The following ARHGEF3 variants were observed in gnomAD, a reference collection of about 807,000 sequenced individuals.
ARHGEF3 encodes Rho guanine nucleotide exchange factor 3.
Under a neutral mutation model 63.2 loss-of-function variants are expected in ARHGEF3, and 28 were observed. That is an observed-to-expected ratio of 0.44 (90% CI 0.33 to 0.61). The LOEUF is 0.61. Ranked by LOEUF, ARHGEF3 falls within the 20% of genes least tolerant of loss-of-function variation. The pLI, the probability that ARHGEF3 is intolerant of heterozygous loss-of-function variation, is 0.03. For missense variants in ARHGEF3, 533 were observed against 659.3 expected, an observed-to-expected ratio of 0.81 and a Z score of 2.10; for synonymous variants, 266 against 254.2, an observed-to-expected ratio of 1.05 and a Z score of -0.44.
At chr3:56,795,100 A>G (rs1360990999) in intron 1 of ARHGEF3, among the ~76,000 whole-genome samples, 1 of 151,950 alleles carries the variant, frequency 6.6e-6, no homozygotes, top group Admixed American at 6.6e-5. Flanking sequence ...CTTGGGCTCA[A>G]GCAATCCTGC....
intron 1 of ARHGEF3, among the ~76,000 whole-genome samples, chr3:56,785,619 G>C (rs761349103): frequency 6.6e-6 from 1 of 152,158 alleles, no homozygotes; most frequent in South Asian, 2.1e-4. Context: ...TCCATCTGTC[G>C]TTCTTTGAAG....
chr3:56,840,430 G>C (rs2039272423), intron 4 of ARHGEF3, among the ~76,000 whole-genome samples: 1 of 152,188 alleles, frequency 6.6e-6, no homozygotes, highest in Admixed American at 6.5e-5. Flanking sequence ...CAGGTAAGAA[G>C]GTTGAGGCTC....
intron 6 of ARHGEF3, among the ~76,000 whole-genome samples, chr3:56,749,299 C>CT (rs1371921893): frequency 1.3e-5 from 2 of 152,210 alleles, no homozygotes; most frequent in Non-Finnish European, 2.9e-5. Context: ...TGCAAAGCTG[C>CT]TCCCAGATCA....
chr3:56,801,413 G>A (rs1359083869), intron 1 of ARHGEF3, among the ~76,000 whole-genome samples: 1 of 152,246 alleles, frequency 6.6e-6, no homozygotes, highest in Non-Finnish European at 1.5e-5. Context: ...CCCTGCAAAG[G>A]CAAGGAGGCA....
At chr3:56,952,052 G>A (rs1438653838) in intron 3 of ARHGEF3, among the ~76,000 whole-genome samples, 1 of 151,960 alleles carries the variant, frequency 6.6e-6, no homozygotes, top group African/African-American at 2.4e-5. Context: ...GGTGCAATCA[G>A]AACCTAGTAA....
intron 1 of ARHGEF3, among the ~76,000 whole-genome samples, chr3:56,789,984 A>G (rs1273474949): frequency 2.0e-5 from 3 of 152,220 alleles, no homozygotes; most frequent in Non-Finnish European, 4.4e-5. Flanking sequence ...ATTTGTCTTT[A>G]TAAGATTTGA....
chr3:56,968,223 AAT>A (rs574561116), intron 2 of ARHGEF3, among the ~76,000 whole-genome samples: 12,787 of 35,512 alleles, frequency 0.36, 2,940 homozygotes, highest in Middle Eastern at 0.52. Context: ...TATTATATAT[AAT>A]ATATATATAA....
At chr3:56,870,571 C>A (rs1439816800) in intron 4 of ARHGEF3, among the ~76,000 whole-genome samples, 1 of 152,004 alleles carries the variant, frequency 6.6e-6, no homozygotes, top group Non-Finnish European at 1.5e-5. Flanking sequence ...TTGTACAAAC[C>A]CATGGAATGT....
At chr3:56,891,897 C>T (rs6807296) in intron 3 of ARHGEF3, among the ~76,000 whole-genome samples, 91,561 of 152,016 alleles carry the variant, frequency 0.6, 28,244 homozygotes, top group African/African-American at 0.67. Context: ...ATTAATTTGA[C>T]GTTGGCAAAC....
At chr3:56,909,571 G>T (rs538981589) in intron 3 of ARHGEF3, among the ~76,000 whole-genome samples, 7 of 152,334 alleles carry the variant, frequency 4.6e-5, no homozygotes, top group Non-Finnish European at 7.3e-5. Flanking sequence ...GCCCAAGAGG[G>T]CTGGGAAGAT....
chr3:56,790,195 ATGT>A (rs1389750499), intron 1 of ARHGEF3, among the ~76,000 whole-genome samples: 4 of 152,314 alleles, frequency 2.6e-5, no homozygotes, highest in Non-Finnish European at 1.5e-5. Context: ...CTGTTCCTCG[ATGT>A]TGGTGCCAGA....
intron 3 of ARHGEF3, among the ~76,000 whole-genome samples, chr3:56,925,350 G>A (rs2042248695): frequency 6.6e-6 from 1 of 152,184 alleles, no homozygotes; most frequent in Admixed American, 6.5e-5. Context: ...AGCTACCCTA[G>A]ACACTGTAAT....
Position 57,058,639 on chromosome 3 carries a change from C to T in ARHGEF3, c.-28+20587G>A, listed in dbSNP as rs143644500. On this transcript the variant is annotated intron_variant, in intron 1 of 12. Coordinates refer to the ARHGEF3 transcript ENST00000338458. ...ACCATTTGACCCAGCCATCCCACTACTGGGTATATACCCAAAGGATTATAA... is the reference window on the plus strand; with the variant it reads ...ACCATTTGACCCAGCCATCCCACTATTGGGTATATACCCAAAGGATTATAA... 4.3e-4 allele frequency among the ~76,000 whole-genome samples: 66 copies of T among 152,278 alleles called. 1 individual carries two copies. Among genetic ancestry groups the T allele is most frequent in the Non-Finnish European group, 5.9e-4 (40 of 68,032 alleles).
intron 2 of ARHGEF3, among the ~76,000 whole-genome samples, chr3:56,966,580 G>A (rs143585698): frequency 6.6e-6 from 1 of 152,172 alleles, no homozygotes; most frequent in African/African-American, 2.4e-5. Context: ...CAGAGTCAGG[G>A]ATTTGGCCAT....
chr3:57,005,081 C>G (rs1305717019), intron 2 of ARHGEF3, among the ~76,000 whole-genome samples: 1 of 151,928 alleles, frequency 6.6e-6, no homozygotes, highest in Non-Finnish European at 1.5e-5. Flanking sequence ...GGATCTCAGC[C>G]CTTGCTAAAA....
chr3:56,986,778 G>A (rs1701557660), intron 2 of ARHGEF3, among the ~76,000 whole-genome samples: 2 of 150,440 alleles, frequency 1.3e-5, no homozygotes. Context: ...AGAAGTGGGG[G>A]CAGAAAAGAG....
At chr3:56,904,095 T>C (rs565998640) in intron 3 of ARHGEF3, among the ~76,000 whole-genome samples, 1 of 152,242 alleles carries the variant, frequency 6.6e-6, no homozygotes, top group South Asian at 2.1e-4. Flanking sequence ...AGTGTTGCAA[T>C]CTCAGCTCAC....
intron 2 of ARHGEF3, among the ~76,000 whole-genome samples, chr3:56,992,230 G>C (rs74994912): frequency 1.3e-4 from 20 of 151,706 alleles, no homozygotes; most frequent in Non-Finnish European, 1.2e-4. Context: ...ATTTTGCCCA[G>C]GCTAAGTATA....
At chr3:56,765,304 A>C (rs2035643207) in intron 2 of ARHGEF3, among the ~76,000 whole-genome samples, 1 of 152,102 alleles carries the variant, frequency 6.6e-6, no homozygotes, top group Non-Finnish European at 1.5e-5. Flanking sequence ...AGCGGAAAAG[A>C]GGGATAAGGA....
Sources: gnomAD v4.1 joint callset for allele counts (sites outside exome capture counted in the v4.1 genomes callset) on GRCh38, gnomAD v4.1.1 for gene constraint, MANE v1.5 for transcripts, NCBI Gene and HGNC (gene_info 2026-07-23, HGNC 2026-07-21) for gene names.